The following PDE1C variants were observed in gnomAD, a reference collection of about 807,000 sequenced individuals.
PDE1C encodes phosphodiesterase 1C.
In PDE1C, 62 loss-of-function variants were observed where a neutral mutation model predicts 93.1. The ratio of observed to expected loss-of-function variants is 0.67; its 90% CI spans 0.54 to 0.82. The LOEUF (loss-of-function observed/expected upper bound fraction) is 0.82, where lower values mean the gene tolerates loss of function less well. PDE1C is among the 40% of genes least tolerant of loss of function. The pLI is 0.00. For synonymous variants in PDE1C, 325 were observed against 310.1 expected, an observed-to-expected ratio of 1.05 and a Z score of -0.50; for missense variants, 742 against 884.6, an observed-to-expected ratio of 0.84 and a Z score of 2.04.
intron 17 of PDE1C, among the ~76,000 whole-genome samples, chr7:31,774,350 T>G (rs1011056844): frequency 1.3e-5 from 2 of 152,242 alleles, no homozygotes; most frequent in Non-Finnish European, 2.9e-5. Context: ...ATATCATTTT[T>G]CTCTTAGCAA....
At chr7:31,692,364 A>G in the PDE1C span, 1 of 1,177,202 alleles carries the variant, frequency 8.5e-7, no homozygotes, top group African/African-American at 1.5e-5. Context: ...ATGAATGAAT[A>G]AACAGAGCCA....
At chr7:31,821,905 C>T (rs1481649385) in intron 14 of PDE1C, among the ~76,000 whole-genome samples, 3 of 152,032 alleles carry the variant, frequency 2.0e-5, no homozygotes, top group South Asian at 2.1e-4. Flanking sequence ...TCTTACCCAC[C>T]GTCCCCACCC....
Position 31,752,600 on chromosome 7 carries a change from A to C in PDE1C, c.*784T>G, listed in dbSNP as rs940908395. On this transcript the variant is annotated 3_prime_UTR_variant, in exon 18 of 18. Transcript: ENST00000396191. Reference sequence around the variant, plus strand: ...AATGACTCTTAAACCTGCAGTCTTTAAGGCAAGATTTTTTGTATCATCTAC... The same window carrying C: ...AATGACTCTTAAACCTGCAGTCTTTCAGGCAAGATTTTTTGTATCATCTAC... The C allele has an allele frequency of 3.3e-5, 5 of 152,142 alleles. No homozygotes were observed. The highest frequency in any genetic ancestry group is 1.2e-4 in the African/African-American group (5 of 41,448). 9.4% of individuals were successfully genotyped at this position (152,142 alleles called of 1,614,324 possible). A position where few individuals can be genotyped will look rare whatever the true frequency, so the allele number is the denominator to read the frequency against.
At chr7:31,877,927 A>C (rs1796789621) in intron 5 of PDE1C, 43 bp downstream of exon 5, 1 of 1,292,920 alleles carries the variant, frequency 7.7e-7, no homozygotes, top group Non-Finnish European at 1.1e-6. Context: ...TCTACTTTTT[A>C]TTAGGTACCA....
At chr7:32,087,715 A>G (rs1048044091) in intron 3 of PDE1C, among the ~76,000 whole-genome samples, 3 of 152,106 alleles carry the variant, frequency 2.0e-5, no homozygotes, top group South Asian at 2.1e-4. Flanking sequence ...CATGGATGAA[A>G]TTGGAAATCA....
chr7:31,774,180 T>G (rs969400214), intron 17 of PDE1C, among the ~76,000 whole-genome samples: 1 of 152,178 alleles, frequency 6.6e-6, no homozygotes, highest in African/African-American at 2.4e-5. Flanking sequence ...CACACACCAT[T>G]GACTGCAAAA....
At chr7:31,835,662 C>A (rs897016489) in intron 11 of PDE1C, among the ~76,000 whole-genome samples, 1 of 151,982 alleles carries the variant, frequency 6.6e-6, no homozygotes, top group Non-Finnish European at 1.5e-5. Context: ...CTTCCCTCCC[C>A]CCGCTCCCCC....
At chr7:32,085,649 T>C (rs1188052534) in intron 3 of PDE1C, among the ~76,000 whole-genome samples, 3 of 147,894 alleles carry the variant, frequency 2.0e-5, no homozygotes, top group Non-Finnish European at 4.5e-5. Context: ...AAAAAGCTTA[T>C]CCACCATGAT....
the PDE1C span, among the ~76,000 whole-genome samples, chr7:31,730,281 G>A: frequency 6.6e-6 from 1 of 152,108 alleles, no homozygotes; most frequent in Non-Finnish European, 1.5e-5. Context: ...CAGCCTTTCA[G>A]CTCAAAAGAC....
intron 1 of PDE1C, among the ~76,000 whole-genome samples, chr7:32,366,082 C>G (rs1367250187): frequency 1.3e-5 from 2 of 152,126 alleles, no homozygotes; most frequent in Non-Finnish European, 2.9e-5. Context: ...AGACCCCAAT[C>G]ATAAGGAAAC....
chr7:32,377,278 C>G (rs1784449966), intron 1 of PDE1C, among the ~76,000 whole-genome samples: 1 of 152,214 alleles, frequency 6.6e-6, no homozygotes, highest in Admixed American at 6.5e-5. Flanking sequence ...CACTCCCCAC[C>G]TCACCCCTCT....
chr7:31,808,577 T>C (rs779310749), intron 16 of PDE1C, among the ~76,000 whole-genome samples: 1 of 151,944 alleles, frequency 6.6e-6, no homozygotes, highest in East Asian at 1.9e-4. Context: ...TAAAGACCCC[T>C]GTTTTTGTTT....
the PDE1C span, among the ~76,000 whole-genome samples, chr7:31,628,448 C>CTTTT: frequency 4.2e-5 from 6 of 143,572 alleles, no homozygotes; most frequent in African/African-American, 1.3e-4. Flanking sequence ...AGCGTGATTC[C>CTTTT]TTTTTTTTTT....
intron 1 of PDE1C, among the ~76,000 whole-genome samples, chr7:32,233,858 T>A (rs59885521): frequency 0.11 from 15,960 of 151,972 alleles, 898 homozygotes; most frequent in East Asian, 0.13. Context: ...TACTCAAAAC[T>A]AGCAGAACAG....
intron 3 of PDE1C, chr7:32,169,776 C>T: frequency 1.2e-6 from 2 of 1,611,420 alleles, no homozygotes; most frequent in African/African-American, 1.3e-5. Context: ...GAGTTGCAAT[C>T]CACCAAACCT....
chr7:31,879,815 G>A (rs2128877313), intron 3 of PDE1C, among the ~76,000 whole-genome samples: 1 of 152,252 alleles, frequency 6.6e-6, no homozygotes, highest in African/African-American at 2.4e-5. Flanking sequence ...AAAGAGCAAT[G>A]TTAAAATAAA....
At chr7:31,824,724 A>ATTGTTC in intron 13 of PDE1C, 143 bp downstream of exon 13, 1 of 1,018,972 alleles carries the variant, frequency 9.8e-7, no homozygotes, top group South Asian at 1.6e-5. Flanking sequence ...CCTCTGAGAA[A>ATTGTTC]AGGAAAGAGG....
chr7:31,761,975 G>GA (rs1794859660), intron 17 of PDE1C, among the ~76,000 whole-genome samples: 1 of 152,180 alleles, frequency 6.6e-6, no homozygotes, highest in African/African-American at 2.4e-5. Flanking sequence ...TCATACATGT[G>GA]AAAACAGCCA....
At chr7:32,160,786 G>A (rs1165913577) in intron 3 of PDE1C, among the ~76,000 whole-genome samples, 2 of 152,088 alleles carry the variant, frequency 1.3e-5, no homozygotes, top group African/African-American at 4.8e-5. Context: ...CTCCAGCCTG[G>A]GTGACAGAGC....
Sources: gnomAD v4.1 joint callset for allele counts (sites outside exome capture counted in the v4.1 genomes callset) on GRCh38, gnomAD v4.1.1 for gene constraint, MANE v1.5 for transcripts, NCBI Gene and HGNC (gene_info 2026-07-23, HGNC 2026-07-21) for gene names.